Variants in NLGN1 observed in about 807,000 individuals in gnomAD.
The protein encoded by NLGN1 is neuroligin 1, also known as neuroligin-1.
NLGN1 carries 12 observed loss-of-function variants against 65.5 expected under a neutral mutation model. That is an observed-to-expected ratio of 0.18 (90% CI 0.12 to 0.30). The LOEUF (loss-of-function observed/expected upper bound fraction) is 0.30, where lower values mean the gene tolerates loss of function less well. Among genes scored for constraint, NLGN1 ranks in the 10% least tolerant of loss-of-function variants. The pLI is 1.00. For missense variants in NLGN1, 750 were observed against 1,007.1 expected (o/e 0.74, Z 3.46); for synonymous variants, 350 against 359.5 (o/e 0.97, Z 0.30).
intron 2 of NLGN1, among the ~76,000 whole-genome samples, chr3:173,585,331 G>T (rs144857891): frequency 4.6e-4 from 70 of 152,266 alleles, no homozygotes; most frequent in African/African-American, 1.6e-3. Context: ...TTTAAGGAGA[G>T]GAGGCAGCGG....
chr3:173,734,627 T>A (rs1459239049), intron 3 of NLGN1, among the ~76,000 whole-genome samples: 17 of 151,908 alleles, frequency 1.1e-4, no homozygotes, highest in Non-Finnish European at 1.5e-5. Flanking sequence ...AGTCTTGAAC[T>A]CCTGGCCTCA....
chr3:174,281,196 C>T (rs776476959), exon 7 of NLGN1: 22 of 1,613,118 alleles, frequency 1.4e-5, no homozygotes, highest in South Asian at 3.3e-5. Context: ...CAACACTATA[C>T]CAGGGATTCA....
chr3:173,516,079 T>G (rs1288063181), intron 2 of NLGN1, among the ~76,000 whole-genome samples: 1 of 152,112 alleles, frequency 6.6e-6, no homozygotes, highest in African/African-American at 2.4e-5. Flanking sequence ...TCAATTTAGT[T>G]TTCTTAGATT....
intron 3 of NLGN1, among the ~76,000 whole-genome samples, chr3:173,614,665 T>C (rs1019202127): frequency 6.6e-6 from 1 of 152,058 alleles, no homozygotes; most frequent in African/African-American, 2.4e-5. Flanking sequence ...AAGCAGCCTA[T>C]CAGTGCTTCT....
intron 2 of NLGN1, among the ~76,000 whole-genome samples, chr3:173,585,286 C>T (rs575113211): frequency 1.3e-5 from 2 of 152,214 alleles, no homozygotes; most frequent in South Asian, 2.1e-4. Flanking sequence ...AGTTGGGAGA[C>T]GCTTCCCAGA....
chr3:174,065,557 A>T (rs1738342792), intron 4 of NLGN1, among the ~76,000 whole-genome samples: 1 of 152,170 alleles, frequency 6.6e-6, no homozygotes, highest in Non-Finnish European at 1.5e-5. Flanking sequence ...GTAGTGTCAT[A>T]GCCTGCTTCG....
upstream of NLGN1, chr3:173,396,773 G>C (rs1716693289): frequency 6.6e-6 from 1 of 152,272 alleles, no homozygotes; most frequent in African/African-American, 2.4e-5. Context: ...CCTATTCCCT[G>C]CCTCTCCTTC....
At chr3:174,291,585 A>C (rs748615273), downstream of NLGN1, among the ~76,000 whole-genome samples, 9 of 151,336 alleles carry the variant, frequency 5.9e-5, no homozygotes, top group Non-Finnish European at 1.3e-4. Flanking sequence ...GCCAGTAAAA[A>C]TTAAAGTAAC....
rs1016810348 is a variant in NLGN1, at chr3:174,279,915, G to A, written c.1649+265G>A. Among the ~76,000 whole-genome samples the A allele has an allele frequency of 6.6e-6, 1 of 151,902 alleles. No individual in the cohort carries two copies. The highest frequency in any genetic ancestry group is 1.5e-5 in the Non-Finnish European group (1 of 67,910). ...TGCTTTTGGTTTTTGAATTATACAAGACTTGTTATTGTTCAGCAGTAATAA... is the reference window on the plus strand; with the variant it reads ...TGCTTTTGGTTTTTGAATTATACAAAACTTGTTATTGTTCAGCAGTAATAA... On this transcript the variant is annotated intron_variant, in intron 6 of 6. Coordinates refer to ENST00000457714, the Ensembl canonical transcript of NLGN1. This position sits in a 1 kb window ranked among gnomAD's most constrained non-coding sequence, Gnocchi z 4.7.
intron 1 of NLGN1, among the ~76,000 whole-genome samples, chr3:173,420,076 CATT>C (rs1039587703): frequency 9.3e-5 from 12 of 129,614 alleles, no homozygotes; most frequent in African/African-American, 1.8e-4. Flanking sequence ...TTTTTTTTTT[CATT>C]ATTATTATTA....
At chr3:173,697,169 T>C (rs75117416) in intron 3 of NLGN1, among the ~76,000 whole-genome samples, 2,229 of 152,304 alleles carry the variant, frequency 0.015, 69 homozygotes, top group African/African-American at 0.051. Context: ...AACATATAGA[T>C]ACATGTTTTA....
At chr3:174,144,480 G>C (rs1722841874) in intron 4 of NLGN1, among the ~76,000 whole-genome samples, 1 of 152,128 alleles carries the variant, frequency 6.6e-6, no homozygotes, top group Non-Finnish European at 1.5e-5. Context: ...AGATCCTTGA[G>C]GAATCACCAC....
chr3:173,412,973 G>A (rs1712911967), intron 1 of NLGN1, among the ~76,000 whole-genome samples: 1 of 152,234 alleles, frequency 6.6e-6, no homozygotes, highest in East Asian at 1.9e-4. Context: ...TGATTAACTG[G>A]GGTTTGTGCT....
At chr3:173,612,601 G>A (rs1332650060) in intron 3 of NLGN1, among the ~76,000 whole-genome samples, 5 of 151,836 alleles carry the variant, frequency 3.3e-5, no homozygotes, top group Non-Finnish European at 7.4e-5. Flanking sequence ...GTCTTCATGC[G>A]GTCTTCTTAC....
chr3:174,273,239 T>A (rs1044158394), intron 4 of NLGN1, among the ~76,000 whole-genome samples: 1 of 151,704 alleles, frequency 6.6e-6, no homozygotes, highest in Non-Finnish European at 1.5e-5. Context: ...TAACTGCAAT[T>A]ACTTTTGCAC....
chr3:174,257,605 C>T (rs1746035918), intron 4 of NLGN1, among the ~76,000 whole-genome samples: 1 of 151,910 alleles, frequency 6.6e-6, no homozygotes, highest in African/African-American at 2.4e-5. Flanking sequence ...ATGTCCTTTG[C>T]AGGACAGGAT....
intron 4 of NLGN1, among the ~76,000 whole-genome samples, chr3:174,212,128 G>C (rs1424144570): frequency 6.6e-6 from 1 of 152,210 alleles, no homozygotes; most frequent in Non-Finnish European, 1.5e-5. Context: ...CGGGAGGGCA[G>C]CTAAGGCCCG....
chr3:174,212,383 T>C (rs1736851887), intron 4 of NLGN1, among the ~76,000 whole-genome samples: 1 of 151,998 alleles, frequency 6.6e-6, no homozygotes, highest in South Asian at 2.1e-4. Flanking sequence ...GCTGAGGGAG[T>C]GGGCTCCAGC....
At chr3:174,080,835 G>T (rs954420446) in intron 4 of NLGN1, among the ~76,000 whole-genome samples, 6 of 151,346 alleles carry the variant, frequency 4.0e-5, no homozygotes, top group Non-Finnish European at 7.4e-5. Context: ...CCTTTCCCTG[G>T]TGCTGGCTGA....
Sources: gnomAD v4.1 joint callset for allele counts (sites outside exome capture counted in the v4.1 genomes callset) on GRCh38, gnomAD v4.1.1 for gene constraint, Gnocchi (gnomAD v3.1) non-coding constraint, MANE v1.5 for transcripts, NCBI Gene and HGNC (gene_info 2026-07-23, HGNC 2026-07-21) for gene names.